The following MGAT5 variants were observed in gnomAD, a reference collection of about 807,000 sequenced individuals.
The protein encoded by MGAT5 is alpha-1,6-mannosylglycoprotein 6-beta-N-acetylglucosaminyltransferase A.
In MGAT5, 30 loss-of-function variants were observed where a neutral mutation model predicts 94.3. That is an observed-to-expected ratio of 0.32 (90% CI 0.24 to 0.43). The LOEUF (loss-of-function observed/expected upper bound fraction) is 0.43. Ranked by LOEUF, MGAT5 falls within the 20% of genes least tolerant of loss-of-function variation. The pLI is 1.00. For synonymous variants in MGAT5, 310 were observed against 322.9 expected (o/e 0.96, Z 0.43); for missense variants, 691 against 905.5 (o/e 0.76, Z 3.04).
rs576768422 is a variant in MGAT5, at chr2:134,184,101, T to C, written c.-143+63810T>C. 3.3e-5 allele frequency among the ~76,000 whole-genome samples: 5 copies of C among 152,364 alleles called. No homozygotes were observed. The South Asian group carries it at 8.3e-4, about 25-fold the overall frequency. On this transcript the variant is annotated intron_variant, in intron 1 of 16. Coordinates refer to the MGAT5 transcript ENST00000409645. ...GAATCTTAGCTTTATTTTTTGAAACTTATTTGTACCCACTTTCTAAATCTG... is the reference window on the plus strand; with the variant it reads ...GAATCTTAGCTTTATTTTTTGAAACCTATTTGTACCCACTTTCTAAATCTG...
At position 134,452,765 on chromosome 2, in the gene MGAT5, A is replaced by AAAAGT. The variant is rs1686172521; in HGVS notation, c.*3920_*3924dup. ...CAAGCCTGGATTATTTTATTTATTT[A>AAAAGT]AAAGTATTTTAATTTCCATATTGGC... On this transcript the variant is annotated 3_prime_UTR_variant, in exon 16 of 16. Transcript: ENST00000281923. 2 of 152,234 alleles carry AAAAGT rather than the reference A, an allele frequency of 1.3e-5. No individual in the cohort carries two copies. The highest frequency in any genetic ancestry group is 4.1e-4 in the South Asian group (2 of 4,832). 9.4% of individuals were successfully genotyped at this position (152,234 alleles called of 1,614,324 possible). A position where few individuals can be genotyped will look rare whatever the true frequency, so the allele number is the denominator to read the frequency against.
At chr2:134,293,111 C>T (rs1685470107) in intron 2 of MGAT5, among the ~76,000 whole-genome samples, 1 of 152,368 alleles carries the variant, frequency 6.6e-6, no homozygotes, top group Non-Finnish European at 1.5e-5. Flanking sequence ...ATTCTCATTT[C>T]ATTACAATTC....
chr2:134,235,246 C>G (rs963259968), intron 1 of MGAT5, among the ~76,000 whole-genome samples: 1 of 152,124 alleles, frequency 6.6e-6, no homozygotes, highest in African/African-American at 2.4e-5. Flanking sequence ...ACCCTTCTAC[C>G]CACTTATCTG....
At chr2:134,224,637 A>C (rs1175232755) in intron 1 of MGAT5, among the ~76,000 whole-genome samples, 1 of 152,318 alleles carries the variant, frequency 6.6e-6, no homozygotes, top group East Asian at 1.9e-4. Context: ...GAGTTACACC[A>C]GTCTAGGTCT....
At chr2:134,326,893 G>T (rs924393687) in intron 4 of MGAT5, among the ~76,000 whole-genome samples, 2 of 152,092 alleles carry the variant, frequency 1.3e-5, no homozygotes, top group African/African-American at 4.8e-5. Context: ...GCAGATATCT[G>T]ACAGGTGTTT....
Position 134,423,935 on chromosome 2 carries a change from G to A in MGAT5, c.1794+1016G>A, listed in dbSNP as rs140214238. On this transcript the variant is annotated intron_variant, in intron 13 of 15. Coordinates refer to ENST00000281923, the MANE Select transcript of MGAT5 (RefSeq NM_002410.5). The stretch of plus-strand genomic sequence containing the variant: ...ACATCTGTCTCATTTCTGTATTTCC[G>A]GTGCCCACGTAGGGATTTACCCAAT... Among the ~76,000 whole-genome samples the A allele has an allele frequency of 7.1e-3, 1,084 of 152,218 alleles. 7 individuals carry two copies. Among genetic ancestry groups the A allele is most frequent in the Middle Eastern group, 0.041 (12 of 294 alleles).
chr2:134,157,869 T>C lies in MGAT5; in HGVS notation c.-143+37578T>C, dbSNP rs192094263. Among the ~76,000 whole-genome samples the C allele has an allele frequency of 2.8e-3, 424 of 152,240 alleles. 3 individuals are homozygous for C. The highest frequency in any genetic ancestry group is 9.1e-3 in the African/African-American group (379 of 41,536). On this transcript the variant is annotated intron_variant, in intron 1 of 16. Transcript: ENST00000409645. The stretch of plus-strand genomic sequence containing the variant: ...GTGAGCAAGGCAGAGAGGGTCTTCA[T>C]TGAGCAGCAGTACAGTTCTCAGAAT...
intron 2 of MGAT5, among the ~76,000 whole-genome samples, chr2:134,299,308 A>G (rs912084220): frequency 6.6e-5 from 10 of 152,192 alleles, no homozygotes; most frequent in Non-Finnish European, 1.3e-4. Context: ...CCAACACCAG[A>G]TTTTTAGTTT....
At chr2:134,166,183 T>C in intron 1 of MGAT5, among the ~76,000 whole-genome samples, 1 of 152,120 alleles carries the variant, frequency 6.6e-6, no homozygotes, top group East Asian at 1.9e-4. Context: ...AGTGCTGAGA[T>C]GATCGCAGAG....
intron 1 of MGAT5, among the ~76,000 whole-genome samples, chr2:134,244,405 A>G (rs1184757591): frequency 1.3e-5 from 2 of 151,678 alleles, no homozygotes; most frequent in Non-Finnish European, 2.9e-5. Flanking sequence ...AGGTCTTTGG[A>G]GCAGAGGCCC....
intron 1 of MGAT5, among the ~76,000 whole-genome samples, chr2:134,191,669 C>CCCTCCT (rs1049449432): frequency 1.4e-5 from 2 of 142,816 alleles, no homozygotes; most frequent in South Asian, 2.3e-4. Flanking sequence ...TGGGTTCTCG[C>CCCTCCT]CCTCCTCCTC....
At chr2:134,399,574 C>G (rs939693182) in intron 10 of MGAT5, among the ~76,000 whole-genome samples, 10 of 152,196 alleles carry the variant, frequency 6.6e-5, no homozygotes, top group African/African-American at 2.2e-4. Flanking sequence ...GGTTGCTCAG[C>G]TGGAACCTTT....
chr2:134,416,474 C>CTTTTTTTTTTTTTTTTTTTTTTTTTTTT (rs71275904), intron 12 of MGAT5, among the ~76,000 whole-genome samples: 2 of 139,174 alleles, frequency 1.4e-5, no homozygotes, highest in African/African-American at 5.5e-5. Flanking sequence ...TCATTCCTTA[C>CTTTTTTTTTTTTTTTTTTTTTTTTTTTT]TTTTTTTTTT....
At chr2:134,243,803 C>T (rs1404404874) in intron 1 of MGAT5, among the ~76,000 whole-genome samples, 1 of 152,130 alleles carries the variant, frequency 6.6e-6, no homozygotes, top group Non-Finnish European at 1.5e-5. Flanking sequence ...TGGAACACTC[C>T]TGGGGTAGGC....
chr2:134,317,611 G>A lies in MGAT5; in HGVS notation c.483+6G>A, dbSNP rs1234484530. Reference sequence around the variant, plus strand: ...ACTGTGAGGGAAAGATCAAGGTAAGGCAGAGGCAAGCATCATCCCCAATCT... The same window carrying A: ...ACTGTGAGGGAAAGATCAAGGTAAGACAGAGGCAAGCATCATCCCCAATCT... On this transcript the variant is annotated splice_donor_region_variant and intron_variant, in intron 3 of 15. Coordinates refer to ENST00000281923, the MANE Select transcript of MGAT5 (RefSeq NM_002410.5). The A allele has an allele frequency of 8.5e-6, 13 of 1,535,700 alleles. No homozygotes were observed. In the Admixed American group the frequency reaches 2.8e-4, roughly 33 times the overall value.
intron 10 of MGAT5, among the ~76,000 whole-genome samples, chr2:134,390,732 C>T (rs1321092803): frequency 6.6e-6 from 1 of 152,024 alleles, no homozygotes; most frequent in Non-Finnish European, 1.5e-5. Context: ...AAACACTTCC[C>T]CCTAACCCTC....
At chr2:134,382,238 G>A (rs2106208947) in intron 10 of MGAT5, among the ~76,000 whole-genome samples, 1 of 151,598 alleles carries the variant, frequency 6.6e-6, no homozygotes, top group Non-Finnish European at 1.5e-5. Flanking sequence ...CTGGGCAACA[G>A]CAATACCCTG....
At position 134,175,255 on chromosome 2, in the gene MGAT5, C is replaced by T. The variant is rs374332290; in HGVS notation, c.-143+54964C>T. ...AATATTTCAAATATCCACACAAGTA[C>T]AGAGAGTGAATAGGGCAGGCTCTTA... On this transcript the variant is annotated intron_variant, in intron 1 of 16. Coordinates refer to the MGAT5 transcript ENST00000409645. Among the ~76,000 whole-genome samples, 9 of 152,338 alleles carry T rather than the reference C, an allele frequency of 5.9e-5. No individual in the cohort carries two copies. In the South Asian group the frequency reaches 6.2e-4, roughly 11 times the overall value.
intron 1 of MGAT5, among the ~76,000 whole-genome samples, chr2:134,242,764 G>A (rs554140716): frequency 9.3e-4 from 142 of 152,298 alleles, no homozygotes; most frequent in African/African-American, 3.1e-3. Flanking sequence ...TGTAGACATC[G>A]AGGCTTTTGG....
Sources: gnomAD v4.1 joint callset for allele counts (sites outside exome capture counted in the v4.1 genomes callset) on GRCh38, gnomAD v4.1.1 for gene constraint, MANE v1.5 for transcripts, NCBI Gene and HGNC (gene_info 2026-07-23, HGNC 2026-07-21) for gene names.